The following PCDHA7 variants were observed in gnomAD, a reference collection of about 807,000 sequenced individuals.
PCDHA7 encodes the protein protocadherin alpha 7.
PCDHA7 carries 37 observed loss-of-function variants against 57.2 expected under a neutral mutation model. That is an observed-to-expected ratio of 0.65 (90% CI 0.50 to 0.85). The LOEUF (loss-of-function observed/expected upper bound fraction) is 0.85, where lower values mean the gene tolerates loss of function less well. PCDHA7 is among the 40% of genes least tolerant of loss of function. PCDHA7 has a pLI of 0.00. For synonymous variants in PCDHA7, 553 were observed against 558.8 expected, an observed-to-expected ratio of 0.99 and a Z score of 0.15; for missense variants, 1,188 against 1,241.8, an observed-to-expected ratio of 0.96 and a Z score of 0.65.
rs1554136059 is a variant in PCDHA7, at chr5:140,836,542, C to A, written c.2159C>A (p.Ala720Glu). The A allele has an allele frequency of 6.2e-7, 1 of 1,613,774 alleles. No individual in the cohort carries two copies. Among genetic ancestry groups the A allele is most frequent in the African/African-American group, 1.3e-5 (1 of 74,934 alleles). Reference protein sequence around the residue: ...LLVLTLLLYTALRCSAPSSEG... With the variant: ...LLVLTLLLYTELRCSAPSSEG... ...GTGCTTACCCTGCTGCTGTACACGG[C>A]GTTGCGGTGCTCAGCGCCGTCCTCT... The change falls in exon 1 of 4, where the codon GCG (alanine) becomes GAG (glutamate). Residue 720 changes from alanine to glutamate, a missense_variant. This residue lies in a region of PCDHA7 where 892 missense variants were observed against 788.5 expected (regional missense o/e 1.13). Transcript: ENST00000525929.
chr5:140,966,886 G>T, intron 1 of PCDHA7: 1 of 1,592,132 alleles, frequency 6.3e-7, no homozygotes. Context: ...CTGGCCCTGC[G>T]GCCTCCCAGC....
intron 1 of PCDHA7, chr5:140,863,562 G>T: frequency 5.3e-6 from 2 of 376,150 alleles, no homozygotes; most frequent in South Asian, 4.2e-5. Flanking sequence ...AAATTTTTGA[G>T]AATATAAGTA....
chr5:140,867,751 T>C (rs1280399942), intron 1 of PCDHA7: 2 of 152,116 alleles, frequency 1.3e-5, no homozygotes, highest in Non-Finnish European at 2.9e-5. Context: ...AGTTACAACT[T>C]CAGGCAAAGA....
At chr5:140,918,252 C>T (rs931753296) in intron 1 of PCDHA7, among the ~76,000 whole-genome samples, 1 of 152,078 alleles carries the variant, frequency 6.6e-6, no homozygotes, top group East Asian at 1.9e-4. Context: ...TATGCTGAAA[C>T]TTTGCTGGAG....
intron 1 of PCDHA7, chr5:140,843,068 C>A (rs1345239073): frequency 1.9e-6 from 3 of 1,595,102 alleles, no homozygotes; most frequent in Admixed American, 1.7e-5. Flanking sequence ...GCTGGTGCCG[C>A]GGTCTGTGGG....
intron 1 of PCDHA7, chr5:140,859,719 T>C (rs1562546995): frequency 6.5e-6 from 1 of 154,108 alleles, no homozygotes; most frequent in Non-Finnish European, 1.4e-5. Flanking sequence ...CAAAAAAAAA[T>C]TGTGGCAAGA....
At chr5:140,870,755 A>G in intron 1 of PCDHA7, 3 of 1,613,522 alleles carry the variant, frequency 1.9e-6, no homozygotes, top group Non-Finnish European at 2.5e-6. Flanking sequence ...GTGACGCTGC[A>G]GGTGTTCGTG....
Position 140,982,513 on chromosome 5 carries a change from G to A in PCDHA7, c.2453G>A (p.Gly818Asp). Residue 818 changes from glycine (G) to aspartate (D), a missense_variant, in exon 3 of 4, where the codon GGT (glycine) becomes GAT (aspartate). Transcript: ENST00000525929. ...HLEEAGILRA[G>D]PGGPDQQWPT... is the part of the protein sequence containing the mutation. ...GAGGAGGCTGGCATTCTACGGGCTGGTCCAGGAGGGCCTGATCAGCAGTGG... is the reference window on the plus strand; with the variant it reads ...GAGGAGGCTGGCATTCTACGGGCTGATCCAGGAGGGCCTGATCAGCAGTGG... The A allele has an allele frequency of 6.2e-7, 1 of 1,614,194 alleles. No individual in the cohort carries two copies. Among genetic ancestry groups the A allele is most frequent in the Non-Finnish European group, 8.5e-7 (1 of 1,180,032 alleles).
chr5:140,873,959 C>A (rs782271124), intron 1 of PCDHA7, among the ~76,000 whole-genome samples: 1 of 152,136 alleles, frequency 6.6e-6, no homozygotes, highest in Non-Finnish European at 1.5e-5. Context: ...CTGAGCCCAG[C>A]CTATTTTTTA....
At position 141,011,699 on chromosome 5, in the gene PCDHA7, A is replaced by G. The variant is rs537913184; in HGVS notation, c.*1762A>G. 6.5e-6 allele frequency: 1 copy of G among 153,890 alleles called. No homozygotes were observed. Among genetic ancestry groups the G allele is most frequent in the African/African-American group, 2.4e-5 (1 of 41,578 alleles). 9.5% of individuals were successfully genotyped at this position (153,890 alleles called of 1,614,324 possible). A position where few individuals can be genotyped will look rare whatever the true frequency, so the allele number is the denominator to read the frequency against. ...TTGTTCTAGTAACAATTTTGGAATG[A>G]ATACTGACAATATTCCATGAGGGTG... On this transcript the variant is annotated 3_prime_UTR_variant, in exon 4 of 4. Coordinates refer to ENST00000525929, the MANE Select transcript of PCDHA7 (RefSeq NM_018910.3).
At chr5:140,871,305 G>C (rs782666863) in intron 1 of PCDHA7, 2 of 1,613,874 alleles carry the variant, frequency 1.2e-6, no homozygotes, top group East Asian at 4.5e-5. Context: ...GCGCGCCGGG[G>C]AAGCCCACGC....
intron 1 of PCDHA7, among the ~76,000 whole-genome samples, chr5:140,924,902 A>AAAAAAAT (rs1554202311): frequency 2.8e-4 from 11 of 39,026 alleles, no homozygotes; most frequent in Non-Finnish European, 5.7e-4. Context: ...CTCAAAAAAA[A>AAAAAAAT]AAATAAAATA....
At chr5:140,871,940 T>C (rs1554165964) in intron 1 of PCDHA7, among the ~76,000 whole-genome samples, 1 of 152,226 alleles carries the variant, frequency 6.6e-6, no homozygotes, top group Non-Finnish European at 1.5e-5. Flanking sequence ...TCAACTGGCT[T>C]TGTTTTTCTA....
Position 140,841,880 on chromosome 5 carries a change from G to A in PCDHA7, c.2355+5142G>A. 2.2e-5 allele frequency: 36 copies of A among 1,613,826 alleles called. 2 individuals are homozygous for A. Among genetic ancestry groups the A allele is most frequent in the Non-Finnish European group, 3.1e-5 (36 of 1,179,824 alleles). ...CATGCTAGATGTGAATTCAAAGAAC[G>A]ATGAGAATAAACTGGTTGAGCTCGT... On this transcript the variant is annotated intron_variant, in intron 1 of 3. Coordinates refer to ENST00000525929, the MANE Select transcript of PCDHA7 (RefSeq NM_018910.3).
intron 1 of PCDHA7, among the ~76,000 whole-genome samples, chr5:140,902,368 A>G (rs1554190412): frequency 6.6e-6 from 1 of 151,696 alleles, no homozygotes; most frequent in Admixed American, 6.6e-5. Flanking sequence ...TCTCTTGTCT[A>G]ATTGCTCTAG....
chr5:140,927,078 C>T, intron 1 of PCDHA7: 1 of 1,611,014 alleles, frequency 6.2e-7, no homozygotes, highest in Non-Finnish European at 8.5e-7. Context: ...CCAGCCACCG[C>T]GAGCTCTACT....
At chr5:140,839,065 GC>G (rs1320146572) in intron 1 of PCDHA7, among the ~76,000 whole-genome samples, 1 of 152,054 alleles carries the variant, frequency 6.6e-6, no homozygotes, top group African/African-American at 2.4e-5. Context: ...ATAGAGGTAT[GC>G]AAAGTCAAAA....
intron 1 of PCDHA7, among the ~76,000 whole-genome samples, chr5:140,974,980 G>C (rs149148015): frequency 6.6e-6 from 1 of 152,090 alleles, no homozygotes; most frequent in African/African-American, 2.4e-5. Flanking sequence ...TGAGTTGTCC[G>C]CTCAGGTATT....
At chr5:140,982,268 A>G (rs2096974621) in intron 2 of PCDHA7, 3 of 885,512 alleles carry the variant, frequency 3.4e-6, no homozygotes, top group South Asian at 2.2e-5. Flanking sequence ...TGTTCCTGGA[A>G]TAGTATAGCA....
Sources: allele counts gnomAD v4.1 joint callset (sites outside exome capture counted in the v4.1 genomes callset), GRCh38; gene constraint gnomAD v4.1.1; regional missense constraint gnomAD v4.1.1; transcripts MANE v1.5; gene names NCBI Gene and HGNC (gene_info 2026-07-23, HGNC 2026-07-21).